FCN2: variants seen among roughly 807,000 people sequenced by gnomAD.
FCN2 encodes ficolin-2.
FCN2 carries 31 observed loss-of-function variants against 32.5 expected under a neutral mutation model. That is an observed-to-expected ratio of 0.96 (90% CI 0.72 to 1.29). FCN2 has a LOEUF of 1.29. Among genes scored for constraint, FCN2 ranks in the 50% most tolerant of loss-of-function variants. The probability of loss-of-function intolerance (pLI) is 0.00; values close to 1 mark genes in which losing one functional copy is unlikely to be tolerated. For synonymous variants in FCN2, 181 were observed against 164.5 expected, an observed-to-expected ratio of 1.10 and a Z score of -0.77; for missense variants, 412 against 406.5, an observed-to-expected ratio of 1.01 and a Z score of -0.12.
At chr9:134,878,407 C>A (rs1440570604), upstream of FCN2, among the ~76,000 whole-genome samples, 3 of 152,176 alleles carry the variant, frequency 2.0e-5, no homozygotes, top group Non-Finnish European at 4.4e-5. Flanking sequence ...GCACCCCTGA[C>A]CAACATTTAC....
chr9:134,882,649 G>A lies in FCN2; in HGVS notation c.214+10G>A. ...ACCAATGGAAAGAGAGGTAGGTGCAGGCATGGCTGGGGGCACTGGCTCTTG... is the reference window on the plus strand; with the variant it reads ...ACCAATGGAAAGAGAGGTAGGTGCAAGCATGGCTGGGGGCACTGGCTCTTG... On this transcript the variant is annotated intron_variant, in intron 2 of 7. Transcript: ENST00000291744. 6.4e-7 allele frequency: 1 copy of A among 1,567,202 alleles called. No individual in the cohort carries two copies. Among genetic ancestry groups the A allele is most frequent in the Non-Finnish European group, 8.8e-7 (1 of 1,137,568 alleles).
At chr9:134,886,014 A>G in intron 6 of FCN2, 117 bp downstream of exon 6, 1 of 1,114,912 alleles carries the variant, frequency 9.0e-7, no homozygotes. Context: ...TTGGGCCCTG[A>G]GCACACTCAG....
chr9:134,887,370 C>T lies in FCN2; in HGVS notation c.897C>T (p.Tyr299=). 1 of 1,614,112 alleles carries T rather than the reference C, an allele frequency of 6.2e-7. No individual in the cohort carries two copies. Among genetic ancestry groups the T allele is most frequent in the Non-Finnish European group, 8.5e-7 (1 of 1,180,000 alleles). Residue 299 remains tyrosine, a synonymous_variant, in exon 8 of 8, where the codon TAC becomes TAT. Coordinates refer to ENST00000291744, the MANE Select transcript of FCN2 (RefSeq NM_004108.3). The stretch of plus-strand genomic sequence containing the variant: ...TCAACTGGAAGTCGGGGAAAGGATA[C>T]AATTATAGCTACAAGGTGTCAGAGA... ...NGINWKSGKG[Y]NYSYKVSEMK...
At position 134,885,450 on chromosome 9, in the gene FCN2, AT is replaced by A. The variant is rs1588645061; in HGVS notation, c.429+86del. 1.6e-5 allele frequency: 25 copies of A among 1,560,582 alleles called. No homozygotes were observed. In the East Asian group the frequency reaches 5.6e-4, roughly 35 times the overall value. On this transcript the variant is annotated intron_variant, in intron 5 of 7. Coordinates refer to ENST00000291744, the MANE Select transcript of FCN2 (RefSeq NM_004108.3). ...ACCTGGTGGGAGAACACACTCTGGA[AT>A]TCTCTATTCTCCTGGTCGGGGACAG... is the stretch of plus-strand genomic sequence containing the variant.
chr9:134,874,518 C>T, the FCN2 span, among the ~76,000 whole-genome samples: 60,288 of 152,044 alleles, frequency 0.4, 12,057 homozygotes, highest in South Asian at 0.47. Context: ...TATCAATTTC[C>T]ACATCCACGT....
At chr9:134,886,375 C>G in intron 6 of FCN2, 55 bp from the exon 7 acceptor site, 1 of 1,610,202 alleles carries the variant, frequency 6.2e-7, no homozygotes, top group Non-Finnish European at 8.5e-7. Context: ...CCCCAGCTCC[C>G]ATGTCTAAAG....
upstream of FCN2, among the ~76,000 whole-genome samples, chr9:134,876,023 C>T (rs1830601182): frequency 6.6e-6 from 1 of 152,090 alleles, no homozygotes; most frequent in African/African-American, 2.4e-5. Context: ...AAATCTTTTT[C>T]TGTTTCTTTT....
At chr9:134,865,005 CAGTGGGCGT>C in the FCN2 span, among the ~76,000 whole-genome samples, 1 of 152,204 alleles carries the variant, frequency 6.6e-6, no homozygotes. Flanking sequence ...TGTGAGGAGG[CAGTGGGCGT>C]ACAGGGCGCT....
chr9:134,873,919 TTTG>T, the FCN2 span, among the ~76,000 whole-genome samples: 4,362 of 14,512 alleles, frequency 0.3, 260 homozygotes, highest in East Asian at 0.56. Context: ...GTTTTTGTTT[TTTG>T]TTTTTTGATA....
the FCN2 span, among the ~76,000 whole-genome samples, chr9:134,869,113 GC>G: frequency 2.3e-3 from 353 of 152,298 alleles, 2 homozygotes; most frequent in Non-Finnish European, 2.7e-3. Flanking sequence ...CCTGACCCCG[GC>G]CGCCTGGCCC....
intron 2 of FCN2, among the ~76,000 whole-genome samples, chr9:134,882,915 C>CT (rs150430771): frequency 0.031 from 4,696 of 152,316 alleles, 233 homozygotes; most frequent in African/African-American, 0.11. Context: ...GGCACGACTT[C>CT]AAGCTCTGTG....
At chr9:134,880,114 C>T (rs990496393), upstream of FCN2, among the ~76,000 whole-genome samples, 1 of 152,106 alleles carries the variant, frequency 6.6e-6, no homozygotes, top group Non-Finnish European at 1.5e-5. Flanking sequence ...TCTCATCCTC[C>T]CTACAGGCTA....
At chr9:134,872,338 A>G in the FCN2 span, among the ~76,000 whole-genome samples, 1,404 of 152,308 alleles carry the variant, frequency 9.2e-3, 95 homozygotes, top group Admixed American at 0.085. Flanking sequence ...GTGTTGATGG[A>G]CATTTAGGTT....
At chr9:134,882,492 G>A (rs759746934) in intron 1 of FCN2, 34 bp from the exon 2 acceptor site, 2 of 1,557,056 alleles carry the variant, frequency 1.3e-6, no homozygotes, top group Admixed American at 1.7e-5. Flanking sequence ...TCAGGCCCAG[G>A]TGACACTGAG....
chr9:134,882,654 G>C lies in FCN2; in HGVS notation c.214+15G>C, dbSNP rs1449554961. The C allele has an allele frequency of 6.4e-7, 1 of 1,552,782 alleles. No homozygotes were observed. Among genetic ancestry groups the C allele is most frequent in the Admixed American group, 1.7e-5 (1 of 59,854 alleles). On this transcript the variant is annotated intron_variant, in intron 2 of 7. Transcript: ENST00000291744. ...TGGAAAGAGAGGTAGGTGCAGGCAT[G>C]GCTGGGGGCACTGGCTCTTGCTCTT...
At chr9:134,867,412 T>G in the FCN2 span, among the ~76,000 whole-genome samples, 7 of 147,164 alleles carry the variant, frequency 4.8e-5, no homozygotes, top group South Asian at 1.5e-3. Context: ...ACACCGCATA[T>G]TCTCACTCAT....
the FCN2 span, among the ~76,000 whole-genome samples, chr9:134,870,062 T>C: frequency 6.6e-6 from 1 of 152,186 alleles, no homozygotes; most frequent in Admixed American, 6.5e-5. This position sits in a 1 kb window ranked among gnomAD's most constrained non-coding sequence, Gnocchi z 4.3. Context: ...TCAGACTCCG[T>C]GGACAGCCCC....
chr9:134,885,920 G>A, intron 6 of FCN2, 23 bp downstream of exon 6: 14 of 1,597,514 alleles, frequency 8.8e-6, no homozygotes, highest in Non-Finnish European at 1.2e-5. Context: ...CTGGGGCTTG[G>A]GGGTCGGGGG....
At chr9:134,885,168 G>A in intron 4 of FCN2, 71 bp from the exon 5 acceptor site, 1 of 1,602,692 alleles carries the variant, frequency 6.2e-7, no homozygotes, top group Non-Finnish European at 8.5e-7. Context: ...TTCCTCCCAG[G>A]CCTCCCTCCT....
Sources: gnomAD v4.1 joint callset for allele counts (sites outside exome capture counted in the v4.1 genomes callset) on GRCh38, gnomAD v4.1.1 for gene constraint, Gnocchi (gnomAD v3.1) non-coding constraint, MANE v1.5 for transcripts, NCBI Gene and HGNC (gene_info 2026-07-23, HGNC 2026-07-21) for gene names.